MPP3: variants seen among roughly 807,000 people sequenced by gnomAD.
MPP3 encodes MAGUK p55 scaffold protein 3, also known as MAGUK p55 subfamily member 3.
A neutral mutation model predicts 80.7 loss-of-function variants in MPP3; 48 were observed. The observed-to-expected ratio is 0.59, with a 90% CI of 0.47 to 0.76. MPP3 has a LOEUF of 0.76. Among genes scored for constraint, MPP3 ranks in the 30% least tolerant of loss-of-function variants. MPP3 has a pLI of 0.00. For synonymous variants in MPP3, 311 were observed against 297.6 expected (o/e 1.04, Z -0.46); for missense variants, 620 against 763.0 (o/e 0.81, Z 2.21).
chr17:43,811,292 G>A, intron 16 of MPP3, 87 bp from the exon 17 acceptor site: 1 of 979,778 alleles, frequency 1.0e-6, no homozygotes, highest in Non-Finnish European at 1.6e-6. Context: ...TCATTTGGGA[G>A]TTCACTGCTG....
intron 7 of MPP3, among the ~76,000 whole-genome samples, chr17:43,829,241 T>G (rs2045849274): frequency 6.6e-6 from 1 of 152,154 alleles, no homozygotes; most frequent in African/African-American, 2.4e-5. Flanking sequence ...ACAGTCTCTG[T>G]CACAACGACT....
chr17:43,825,714 T>C (rs762214683), intron 9 of MPP3, 42 bp downstream of exon 9: 3 of 1,329,912 alleles, frequency 2.3e-6, no homozygotes, highest in Admixed American at 1.7e-5. Context: ...GCTCTGGGTG[T>C]CTGAAGACCC....
At chr17:43,814,497 A>AG in intron 14 of MPP3, 136 bp from the exon 15 acceptor site, 4 of 778,748 alleles carry the variant, frequency 5.1e-6, no homozygotes, top group Non-Finnish European at 7.9e-6. Flanking sequence ...TCCTCCTGCT[A>AG]CTGGAAGAGG....
At chr17:43,823,313 C>A (rs989087243) in intron 10 of MPP3, among the ~76,000 whole-genome samples, 4 of 152,174 alleles carry the variant, frequency 2.6e-5, no homozygotes, top group African/African-American at 4.8e-5. Flanking sequence ...TTAACGTGCT[C>A]CTCTCCAGAG....
chr17:43,818,178 T>C (rs1048345991), intron 11 of MPP3, 68 bp from the exon 12 acceptor site: 3 of 1,372,578 alleles, frequency 2.2e-6, no homozygotes, highest in Middle Eastern at 1.9e-4. Context: ...AGGAACCTTC[T>C]GGAAAACTTG....
chr17:43,826,770 A>C (rs1466148235), intron 8 of MPP3, among the ~76,000 whole-genome samples: 1 of 151,810 alleles, frequency 6.6e-6, no homozygotes, highest in African/African-American at 2.4e-5. Context: ...GGACTAAACC[A>C]ACGCATGAGC....
In MPP3 at chr17:43,816,087, G is replaced by A. The variant is rs1242003636; in HGVS notation, c.968-8C>T. On this transcript the variant is annotated splice_polypyrimidine_tract_variant and splice_region_variant and intron_variant, in intron 13 of 19. Transcript: ENST00000398389. ...CCTCACAGTCACAGGTCTCTGGGAA[G>A]CAAACAGAGGGAGGGAAGCCAGTGA... The A allele has an allele frequency of 1.3e-6, 2 of 1,507,972 alleles. No individual in the cohort carries two copies. The highest frequency in any genetic ancestry group is 2.6e-5 in the East Asian group (1 of 38,186). 93.4% of individuals were successfully genotyped at this position (1,507,972 alleles called of 1,614,324 possible).
Position 43,820,108 on chromosome 17 carries a change from G to A in MPP3, c.881+754C>T, listed in dbSNP as rs534073026. Among the ~76,000 whole-genome samples, 5 of 152,088 alleles carry A rather than the reference G, an allele frequency of 3.3e-5. No individual in the cohort carries two copies. In the East Asian group the frequency reaches 9.7e-4, roughly 30 times the overall value. Reference sequence around the variant, plus strand: ...CTACAGGTGTGTGCAACCATGCCCAGCTAATTTTTTATTTTTTGTAGAGAC... The same window carrying A: ...CTACAGGTGTGTGCAACCATGCCCAACTAATTTTTTATTTTTTGTAGAGAC... On this transcript the variant is annotated intron_variant, in intron 11 of 19. Coordinates refer to ENST00000398389, the MANE Select transcript of MPP3 (RefSeq NM_001932.6).
At chr17:43,827,348 G>A (rs543583244) in intron 8 of MPP3, among the ~76,000 whole-genome samples, 72 of 107,864 alleles carry the variant, frequency 6.7e-4, no homozygotes, top group Non-Finnish European at 1.3e-3. Flanking sequence ...TTTTTTTTGA[G>A]ACAGAGTCTC....
intron 6 of MPP3, 87 bp downstream of exon 6, chr17:43,829,940 C>T (rs1567829595): frequency 1.9e-6 from 3 of 1,547,730 alleles, no homozygotes; most frequent in Non-Finnish European, 2.7e-6. Context: ...CCTCAGTCTC[C>T]ACTCCTCAGC....
intron 19 of MPP3, among the ~76,000 whole-genome samples, chr17:43,807,807 T>A (rs911828205): frequency 3.3e-5 from 5 of 151,686 alleles, no homozygotes; most frequent in Admixed American, 2.6e-4. Flanking sequence ...AAATTTTTTT[T>A]AATTGGCTGG....
rs2038834578 is a variant in MPP3, at chr17:43,808,972, T to C, written c.1565A>G (p.Asp522Gly). The C allele has an allele frequency of 2.5e-6, 4 of 1,605,988 alleles. No individual in the cohort carries two copies. Among genetic ancestry groups the C allele is most frequent in the Non-Finnish European group, 3.4e-6 (4 of 1,178,106 alleles). ...KTPPMSPACE[D>G]TAAPFDEQQQ... ...TAAACTTACAAATGGGGCTGCTGTGTCCTCACAAGCTGGGGACATAGGTGG... is the reference window on the plus strand; with the variant it reads ...TAAACTTACAAATGGGGCTGCTGTGCCCTCACAAGCTGGGGACATAGGTGG... Residue 522 changes from aspartate to glycine, a missense_variant, in exon 19 of 20, where the codon GAC (aspartate) becomes GGC (glycine). Asp to Gly is a moderately conservative substitution (Grantham distance 94, BLOSUM62 -1). Coordinates refer to ENST00000398389, the MANE Select transcript of MPP3 (RefSeq NM_001932.6).
Position 43,814,074 on chromosome 17 carries a change from G to T in MPP3, c.1192C>A (p.Leu398Met). 1 of 1,613,242 alleles carries T rather than the reference G, an allele frequency of 6.2e-7. No homozygotes were observed. The highest frequency in any genetic ancestry group is 1.1e-5 in the South Asian group (1 of 91,014). Residue 398 changes from leucine to methionine, a missense_variant, in exon 16 of 20, where the codon CTG becomes ATG. Leu to Met is a conservative substitution (Grantham distance 15, BLOSUM62 2). Coordinates refer to ENST00000398389, the MANE Select transcript of MPP3 (RefSeq NM_001932.6). The stretch of plus-strand genomic sequence containing the variant: ...ACCACCTTTTGCTTCAGCTCGTGCA[G>T]TCGGGCTCCCAGAGACCCTGGGAAA... Reference protein sequence around the residue: ...VVLIGSLGARLHELKQKVVAE... With the variant: ...VVLIGSLGARMHELKQKVVAE...
chr17:43,825,835 A>C lies in MPP3; in HGVS notation c.530T>G (p.Val177Gly). Reference sequence around the variant, plus strand: ...TTCTCGGAGCTCATCTCCAACGTGGACCAGGCCTAGGAGACACAGGGACTG... The same window carrying C: ...TTCTCGGAGCTCATCTCCAACGTGGCCCAGGCCTAGGAGACACAGGGACTG... ...RGGAADRSGL[V>G]HVGDELREVN... The change falls in exon 9 of 20, where the codon GTC (valine) becomes GGC (glycine). Residue 177 changes from valine to glycine, a missense_variant. Transcript: ENST00000398389. 1 of 1,607,704 alleles carries C rather than the reference A, an allele frequency of 6.2e-7. No individual in the cohort carries two copies. The highest frequency in any genetic ancestry group is 2.2e-5 in the East Asian group (1 of 44,844).
intron 12 of MPP3, 45 bp downstream of exon 12, chr17:43,818,001 A>G: frequency 1.3e-6 from 2 of 1,517,530 alleles, no homozygotes; most frequent in Non-Finnish European, 1.8e-6. Context: ...CCCTCGCCCT[A>G]ACCCCGGGCC....
At chr17:43,810,346 CCT>C (rs1385766499) in intron 18 of MPP3, among the ~76,000 whole-genome samples, 3 of 152,084 alleles carry the variant, frequency 2.0e-5, no homozygotes, top group Admixed American at 2.0e-4. Flanking sequence ...TGTCTCCCTC[CCT>C]CTTTTTCCCC....
chr17:43,806,946 A>ATATTCCCC (rs2044643269), intron 19 of MPP3, among the ~76,000 whole-genome samples: 1 of 151,400 alleles, frequency 6.6e-6, no homozygotes, highest in Non-Finnish European at 1.5e-5. Context: ...ACTTAAGTTG[A>ATATTCCCC]TATTCCCCTA....
intron 5 of MPP3, 101 bp downstream of exon 5, chr17:43,831,143 C>T: frequency 9.1e-7 from 1 of 1,099,886 alleles, no homozygotes; most frequent in Non-Finnish European, 1.4e-6. Flanking sequence ...CTTTGGGCTC[C>T]TGATTCCCGG....
chr17:43,828,003 T>C (rs559697877), intron 7 of MPP3, among the ~76,000 whole-genome samples, 171 bp from the exon 8 acceptor site: 7 of 152,178 alleles, frequency 4.6e-5, no homozygotes, highest in Non-Finnish European at 8.8e-5. Flanking sequence ...CCCATTAATA[T>C]AGCCCTGCAC....
Sources: gnomAD v4.1 joint callset for allele counts (sites outside exome capture counted in the v4.1 genomes callset) on GRCh38, gnomAD v4.1.1 for gene constraint, MANE v1.5 for transcripts, NCBI Gene and HGNC (gene_info 2026-07-23, HGNC 2026-07-21) for gene names.